BBS9: variants seen among roughly 807,000 people sequenced by gnomAD.
The protein encoded by BBS9 is Bardet-Biedl syndrome 9.
Under a neutral mutation model 117.7 loss-of-function variants are expected in BBS9, and 89 were observed. The observed-to-expected ratio is 0.76, with a 90% CI of 0.64 to 0.90. BBS9 has a LOEUF of 0.90. BBS9 is among the 40% of genes least tolerant of loss of function. The pLI is 0.00. For missense variants in BBS9, 982 were observed against 1,042.2 expected (o/e 0.94, Z 0.80); for synonymous variants, 379 against 370.9 (o/e 1.02, Z -0.25).
intron 20 of BBS9, among the ~76,000 whole-genome samples, chr7:33,522,539 C>T (rs376639883): frequency 4.0e-4 from 60 of 148,556 alleles, no homozygotes; most frequent in East Asian, 1.4e-3. Flanking sequence ...GCTGCATAAA[C>T]GTCTTCTTTT....
At chr7:33,430,968 C>G (rs114935543) in intron 19 of BBS9, among the ~76,000 whole-genome samples, 1 of 150,416 alleles carries the variant, frequency 6.6e-6, no homozygotes, top group Non-Finnish European at 1.5e-5. Context: ...GCGGGTGGAT[C>G]GCTTGAACTC....
chr7:33,177,045 G>A (rs1671124299), intron 4 of BBS9, among the ~76,000 whole-genome samples: 1 of 152,114 alleles, frequency 6.6e-6, no homozygotes, highest in Non-Finnish European at 1.5e-5. Context: ...TATTTTGAGA[G>A]TTGGGGTAGG....
rs117028837 is a variant in BBS9, at chr7:33,583,381, T to G, written c.2522-21484T>G. Among the ~76,000 whole-genome samples the G allele has an allele frequency of 4.0e-4, 61 of 152,270 alleles. 1 individual carries two copies. The East Asian group carries it at 0.011, about 28-fold the overall frequency. ...TCTATAGACTAGATCTTCCTTTCCT[T>G]TCCTGTCCTGTCCTGTCCTTTCCCC... On this transcript the variant is annotated intron_variant, in intron 21 of 22. Coordinates refer to ENST00000242067, the MANE Select transcript of BBS9 (RefSeq NM_198428.3).
chr7:33,522,116 T>C (rs1848711591), intron 20 of BBS9, among the ~76,000 whole-genome samples: 1 of 151,986 alleles, frequency 6.6e-6, no homozygotes, highest in Non-Finnish European at 1.5e-5. Flanking sequence ...ATGGTGTATA[T>C]GTGCCACATT....
At chr7:33,198,864 ATT>A (rs1785364984) in intron 5 of BBS9, among the ~76,000 whole-genome samples, 1 of 151,980 alleles carries the variant, frequency 6.6e-6, no homozygotes, top group Admixed American at 6.5e-5. Context: ...TGTTATGACC[ATT>A]TCTAGACTTC....
chr7:33,294,287 TATC>T (rs779745412), intron 9 of BBS9, among the ~76,000 whole-genome samples: 14 of 146,012 alleles, frequency 9.6e-5, no homozygotes, highest in East Asian at 4.0e-4. Context: ...TCCATCTATC[TATC>T]ATCTATCTAT....
At chr7:33,347,811 TAAC>T (rs1221933598) in intron 12 of BBS9, among the ~76,000 whole-genome samples, 1 of 151,896 alleles carries the variant, frequency 6.6e-6, no homozygotes, top group Admixed American at 6.6e-5. Context: ...CTACTTTTCT[TAAC>T]AATAAGAATG....
chr7:33,194,895 G>A (rs1469763140), intron 5 of BBS9, among the ~76,000 whole-genome samples: 2 of 152,054 alleles, frequency 1.3e-5, no homozygotes, highest in Non-Finnish European at 2.9e-5. Flanking sequence ...ATATGTTGTG[G>A]TATTGCATTT....
intron 19 of BBS9, chr7:33,390,692 A>G: frequency 1.3e-6 from 1 of 798,276 alleles, no homozygotes; most frequent in African/African-American, 1.9e-5. Context: ...CATGAATATA[A>G]TTTCCCAAAG....
chr7:33,466,503 C>A (rs190698046), intron 19 of BBS9, among the ~76,000 whole-genome samples: 2 of 152,104 alleles, frequency 1.3e-5, no homozygotes, highest in East Asian at 3.9e-4. Context: ...GAATAATAAT[C>A]TTTTGTGTAT....
At chr7:33,241,293 A>G (rs1337370936) in intron 5 of BBS9, among the ~76,000 whole-genome samples, 2 of 151,948 alleles carry the variant, frequency 1.3e-5, no homozygotes, top group Non-Finnish European at 2.9e-5. Flanking sequence ...ATTCCACTCT[A>G]CTCTGGCTTC....
At chr7:33,568,743 G>A (rs1857301775) in intron 21 of BBS9, among the ~76,000 whole-genome samples, 1 of 152,160 alleles carries the variant, frequency 6.6e-6, no homozygotes, top group Admixed American at 6.5e-5. Context: ...AAATGAAAAA[G>A]GGAAATACAG....
chr7:33,486,151 GCA>G (rs1489968373), intron 19 of BBS9, among the ~76,000 whole-genome samples: 6 of 152,142 alleles, frequency 3.9e-5, no homozygotes, highest in Non-Finnish European at 8.8e-5. Context: ...TGAGTCTAAG[GCA>G]CAGTTTTTTT....
At chr7:33,251,774 C>G (rs1461876143) in intron 5 of BBS9, among the ~76,000 whole-genome samples, 1 of 152,182 alleles carries the variant, frequency 6.6e-6, no homozygotes, top group Non-Finnish European at 1.5e-5. Flanking sequence ...GATAAGGAAA[C>G]TTGAGTCTAA....
rs140614306 is a variant in BBS9, at chr7:33,156,850, A to G, written c.328+1148A>G. 6.3e-3 allele frequency among the ~76,000 whole-genome samples: 960 copies of G among 152,102 alleles called. 12 individuals are homozygous for G. The highest frequency in any genetic ancestry group is 0.022 in the African/African-American group (908 of 41,496). ...TCTCATTGATTTTATGGTAAAGGAC[A>G]TGGTTTCATGTTGCTCCTCCTAGTG... On this transcript the variant is annotated intron_variant, in intron 4 of 22. Coordinates refer to ENST00000242067, the MANE Select transcript of BBS9 (RefSeq NM_198428.3).
intron 21 of BBS9, among the ~76,000 whole-genome samples, chr7:33,537,701 T>C (rs569424199): frequency 9.9e-4 from 151 of 152,302 alleles, no homozygotes; most frequent in African/African-American, 3.2e-3. Context: ...CCCAACCTTC[T>C]CCCTGCAGCT....
intron 20 of BBS9, among the ~76,000 whole-genome samples, chr7:33,508,701 A>G (rs1846487275): frequency 6.6e-6 from 1 of 152,254 alleles, no homozygotes; most frequent in Admixed American, 6.5e-5. Context: ...CAAAACATTA[A>G]GCCAGGCAGG....
At chr7:33,328,312 AAAGT>A (rs915441602) in intron 9 of BBS9, among the ~76,000 whole-genome samples, 5 of 152,180 alleles carry the variant, frequency 3.3e-5, no homozygotes, top group African/African-American at 1.2e-4. Flanking sequence ...GCTTTTATTT[AAAGT>A]AAGTTTGAAG....
intron 9 of BBS9, among the ~76,000 whole-genome samples, chr7:33,324,634 C>T (rs538552467): frequency 6.7e-6 from 1 of 150,234 alleles, no homozygotes; most frequent in African/African-American, 2.4e-5. Flanking sequence ...GAAGAACTCC[C>T]TTTAGCATTT....
Sources: allele counts gnomAD v4.1 joint callset (sites outside exome capture counted in the v4.1 genomes callset), GRCh38; gene constraint gnomAD v4.1.1; transcripts MANE v1.5; gene names NCBI Gene and HGNC (gene_info 2026-07-23, HGNC 2026-07-21).